The following ANKRD28 variants were observed in gnomAD, a reference collection of about 807,000 sequenced individuals.
ANKRD28 encodes serine/threonine-protein phosphatase 6 regulatory ankyrin repeat subunit A.
In ANKRD28, 44 loss-of-function variants were observed where a neutral mutation model predicts 126.5. The observed-to-expected ratio is 0.35, with a 90% CI of 0.27 to 0.45. The LOEUF (loss-of-function observed/expected upper bound fraction) is 0.45. ANKRD28 is among the 20% of genes least tolerant of loss of function. ANKRD28 has a pLI of 1.00. For synonymous variants in ANKRD28, 442 were observed against 468.5 expected (o/e 0.94, Z 0.73); for missense variants, 1,110 against 1,316.6 (o/e 0.84, Z 2.43).
At chr3:15,783,346 T>G (rs1252729560) in intron 2 of ANKRD28, among the ~76,000 whole-genome samples, 1 of 152,032 alleles carries the variant, frequency 6.6e-6, no homozygotes, top group African/African-American at 2.4e-5. Context: ...TATTAAAATA[T>G]TTAAGATTTT....
intron 1 of ANKRD28, among the ~76,000 whole-genome samples, chr3:15,850,222 TATAGAGAGAG>T (rs1211701860): frequency 5.3e-4 from 22 of 41,802 alleles, no homozygotes; most frequent in Admixed American, 3.9e-3. Flanking sequence ...TATATATATA[TATAGAGAGAG>T]AGAGAGAGAG....
Position 15,816,247 on chromosome 3 carries a change from C to T in ANKRD28, c.28-20941G>A, listed in dbSNP as rs2060828923. Among the ~76,000 whole-genome samples the T allele has an allele frequency of 6.6e-6, 1 of 152,154 alleles. No homozygotes were observed. The highest frequency in any genetic ancestry group is 6.5e-5 in the Admixed American group (1 of 15,280). On this transcript the variant is annotated intron_variant, in intron 1 of 27. Coordinates refer to the ANKRD28 transcript ENST00000399451. The surrounding 1 kb of genome is among the most constrained non-coding windows in gnomAD (Gnocchi z 5.0). ...TTAAATTTTCTTACTTTAACCAAAT[C>T]CACCTAGCCTAGCCTCCTACCTCCA...
chr3:15,723,304 C>A (rs546099790), intron 7 of ANKRD28, among the ~76,000 whole-genome samples: 1 of 152,328 alleles, frequency 6.6e-6, no homozygotes, highest in Non-Finnish European at 1.5e-5. Flanking sequence ...ACAGTTCTGT[C>A]ATGTATTCTT....
At chr3:15,751,375 C>CA (rs1450683381) in intron 4 of ANKRD28, among the ~76,000 whole-genome samples, 11 of 152,084 alleles carry the variant, frequency 7.2e-5, no homozygotes, top group Non-Finnish European at 1.6e-4. Context: ...AGCTAAGTAA[C>CA]ATTTCAATTA....
intron 3 of ANKRD28, among the ~76,000 whole-genome samples, chr3:15,762,121 G>A (rs940905178): frequency 6.9e-6 from 1 of 145,574 alleles, no homozygotes; most frequent in African/African-American, 2.5e-5. Flanking sequence ...GGTAGGTGGA[G>A]GTTGCAGTAA....
At chr3:15,841,516 C>A (rs2061424121) in intron 1 of ANKRD28, among the ~76,000 whole-genome samples, 1 of 152,238 alleles carries the variant, frequency 6.6e-6, no homozygotes, top group East Asian at 1.9e-4. Context: ...GAGAAAATAT[C>A]TGCAAACTAA....
Position 15,695,224 on chromosome 3 carries a change from A to C in ANKRD28, c.1660-10T>G. 6.4e-7 allele frequency: 1 copy of C among 1,566,432 alleles called. No homozygotes were observed. The highest frequency in any genetic ancestry group is 1.8e-5 in the Admixed American group (1 of 55,032). ...GAGTTTCACTTGCAATCTGAAATAA[A>C]AGTCAAAACAAAAATATTTAGCTTG... On this transcript the variant is annotated splice_polypyrimidine_tract_variant and intron_variant, in intron 15 of 27. Coordinates refer to ENST00000683139, the MANE Select transcript of ANKRD28 (RefSeq NM_001349278.2).
At chr3:15,821,580 G>A (rs918959573) in intron 1 of ANKRD28, among the ~76,000 whole-genome samples, 1 of 152,092 alleles carries the variant, frequency 6.6e-6, no homozygotes, top group Non-Finnish European at 1.5e-5. Flanking sequence ...TGAATAGGTG[G>A]CAAAACAGCC....
intron 3 of ANKRD28, among the ~76,000 whole-genome samples, chr3:15,764,016 G>T (rs909206546): frequency 6.6e-6 from 1 of 152,150 alleles, no homozygotes; most frequent in South Asian, 2.1e-4. Context: ...CTGAGACCAG[G>T]AGTTCAAGAC....
At chr3:15,767,700 T>TAAAAAAA (rs57072807) in intron 2 of ANKRD28, among the ~76,000 whole-genome samples, 11 of 64,362 alleles carry the variant, frequency 1.7e-4, no homozygotes, top group Non-Finnish European at 2.3e-4. Context: ...TAGTCTCTAC[T>TAAAAAAA]AAAAAAAAAA....
rs1431123123 is a variant in ANKRD28, at chr3:15,814,275, G to A, written c.28-18969C>T. 22 of 1,269,830 alleles carry A rather than the reference G, an allele frequency of 1.7e-5. No individual in the cohort carries two copies. The highest frequency in any genetic ancestry group is 2.2e-5 in the Non-Finnish European group (22 of 982,274). 78.7% of individuals were successfully genotyped at this position (1,269,830 alleles called of 1,614,324 possible). On this transcript the variant is annotated intron_variant, in intron 1 of 27. Transcript: ENST00000399451. This position sits in a 1 kb window ranked among gnomAD's most constrained non-coding sequence, Gnocchi z 4.7. ...ATTCCCATACTATTTTCCTCTGGTGGAGGCAGTTGTACTGTTTCAATTCCA... is the reference window on the plus strand; with the variant it reads ...ATTCCCATACTATTTTCCTCTGGTGAAGGCAGTTGTACTGTTTCAATTCCA...
intron 18 of ANKRD28, among the ~76,000 whole-genome samples, chr3:15,686,853 G>T (rs2068182179): frequency 6.6e-6 from 1 of 151,994 alleles, no homozygotes; most frequent in East Asian, 1.9e-4. Flanking sequence ...CCCACAACAT[G>T]AATGCAAATG....
chr3:15,797,569 AG>A lies in ANKRD28; in HGVS notation c.-1049del, dbSNP rs796262225. The A allele has an allele frequency of 9.2e-6, 9 of 981,146 alleles. No homozygotes were observed. The highest frequency in any genetic ancestry group is 6.2e-5 in the Admixed American group (1 of 16,050). The allele number at this position is 981,146 out of a possible 1,614,324, so 60.8% of individuals were successfully genotyped here. On this transcript the variant is annotated 5_prime_UTR_variant, in exon 1 of 28. An upstream open reading frame in the 5' UTR loses its in-frame stop. Coordinates refer to ENST00000683139, the MANE Select transcript of ANKRD28 (RefSeq NM_001349278.2). ...CTTTTTGTTTTCTTTAAAAAAAAAA[AG>A]GGGGGGGAAAAACATAGTAGTGTAT...
intron 4 of ANKRD28, among the ~76,000 whole-genome samples, chr3:15,738,032 T>C (rs1299432339): frequency 6.6e-6 from 1 of 152,060 alleles, no homozygotes; most frequent in Non-Finnish European, 1.5e-5. Context: ...ATCACAACAC[T>C]ACCTCTATAA....
intron 1 of ANKRD28, among the ~76,000 whole-genome samples, chr3:15,824,417 T>C (rs1009056264): frequency 1.3e-5 from 2 of 152,024 alleles, no homozygotes; most frequent in African/African-American, 4.8e-5. Flanking sequence ...CGGCCTCCCA[T>C]AGTGCTGGGA....
At chr3:15,743,366 AC>A (rs2057237581) in intron 4 of ANKRD28, among the ~76,000 whole-genome samples, 2 of 151,142 alleles carry the variant, frequency 1.3e-5, no homozygotes, top group African/African-American at 4.9e-5. Context: ...AAACAAACAA[AC>A]AAACAAACAA....
At chr3:15,692,263 C>T (rs1215110807) in intron 17 of ANKRD28, among the ~76,000 whole-genome samples, 1 of 151,442 alleles carries the variant, frequency 6.6e-6, no homozygotes, top group African/African-American at 2.4e-5. Flanking sequence ...CTAGCCTGGG[C>T]AACAGTGAGA....
intron 2 of ANKRD28, among the ~76,000 whole-genome samples, chr3:15,790,367 A>G (rs984659314): frequency 2.0e-5 from 3 of 152,130 alleles, no homozygotes; most frequent in Non-Finnish European, 1.5e-5. Context: ...AGTATCGCTG[A>G]TGAGTATTAA....
chr3:15,850,250 GA>G (rs2061621765), intron 1 of ANKRD28, among the ~76,000 whole-genome samples: 1 of 138,898 alleles, frequency 7.2e-6, no homozygotes, highest in Non-Finnish European at 1.6e-5. Flanking sequence ...GAGAGAGAGA[GA>G]GAGAGAGAGA....
Sources: allele counts gnomAD v4.1 joint callset (sites outside exome capture counted in the v4.1 genomes callset), GRCh38; gene constraint gnomAD v4.1.1; non-coding constraint Gnocchi (gnomAD v3.1); transcripts MANE v1.5; gene names NCBI Gene and HGNC (gene_info 2026-07-23, HGNC 2026-07-21).